The following WASF2 variants were observed in gnomAD, a reference collection of about 807,000 sequenced individuals.
The protein encoded by WASF2 is actin-binding protein WASF2.
In WASF2, 14 loss-of-function variants were observed where a neutral mutation model predicts 45.0. The ratio of observed to expected loss-of-function variants is 0.31; its 90% CI spans 0.21 to 0.49. WASF2 has a LOEUF of 0.49. Among genes scored for constraint, WASF2 ranks in the 20% least tolerant of loss-of-function variants. The pLI is 0.99. For missense variants in WASF2, 439 were observed against 636.1 expected, an observed-to-expected ratio of 0.69 and a Z score of 3.33; for synonymous variants, 200 against 236.3, an observed-to-expected ratio of 0.85 and a Z score of 1.41.
intron 1 of WASF2, among the ~76,000 whole-genome samples, chr1:27,459,784 CT>C (rs2017520266): frequency 6.6e-6 from 1 of 152,284 alleles, no homozygotes; most frequent in East Asian, 1.9e-4. Context: ...GTCCCACCCC[CT>C]ATCACCCTAG....
intron 1 of WASF2, among the ~76,000 whole-genome samples, chr1:27,481,197 A>G (rs1409132999): frequency 1.5e-4 from 21 of 137,808 alleles, no homozygotes; most frequent in African/African-American, 4.6e-4. Context: ...CCAGCTACTC[A>G]GGAGGCTGAG....
chr1:27,479,739 C>T lies in WASF2; in HGVS notation c.-44+10247G>A, dbSNP rs188518994. Among the ~76,000 whole-genome samples the T allele has an allele frequency of 2.9e-3, 434 of 152,228 alleles. 4 individuals carry two copies. The highest frequency in any genetic ancestry group is 1.0e-2 in the African/African-American group (414 of 41,542). ...AATTAGCTGGGTGTGGTGGCACATG[C>T]CTATAATCCTAGTTACTCAGGAGGC... On this transcript the variant is annotated intron_variant, in intron 1 of 8. Coordinates refer to ENST00000618852, the MANE Select transcript of WASF2 (RefSeq NM_006990.5).
At chr1:27,467,855 T>TA (rs932416582) in intron 1 of WASF2, among the ~76,000 whole-genome samples, 30 of 151,880 alleles carry the variant, frequency 2.0e-4, no homozygotes, top group African/African-American at 7.0e-4. Flanking sequence ...GAGGTTGCAG[T>TA]ACATCGAGAT....
intron 1 of WASF2, among the ~76,000 whole-genome samples, chr1:27,429,917 T>C (rs553981533): frequency 6.6e-6 from 1 of 152,336 alleles, no homozygotes; most frequent in East Asian, 1.9e-4. Flanking sequence ...AACTGTGCTG[T>C]AAGATTCCCT....
At chr1:27,452,237 G>A (rs1387005463) in intron 1 of WASF2, among the ~76,000 whole-genome samples, 2 of 152,192 alleles carry the variant, frequency 1.3e-5, no homozygotes, top group Non-Finnish European at 2.9e-5. Flanking sequence ...GACGCAGGCT[G>A]CGCGCCGTGG....
At chr1:27,461,925 G>T (rs1368188870) in intron 1 of WASF2, among the ~76,000 whole-genome samples, 1 of 151,624 alleles carries the variant, frequency 6.6e-6, no homozygotes, top group Non-Finnish European at 1.5e-5. Context: ...GCCTCCCAAA[G>T]TGTGGAGATT....
intron 6 of WASF2, 28 bp from the exon 7 acceptor site, chr1:27,412,755 G>A (rs758706369): frequency 1.2e-6 from 2 of 1,612,946 alleles, no homozygotes; most frequent in African/African-American, 1.3e-5. Context: ...GCCAAAAACT[G>A]TCATTTAAAG....
intron 1 of WASF2, among the ~76,000 whole-genome samples, chr1:27,449,181 G>A (rs571106560): frequency 6.6e-6 from 1 of 152,186 alleles, no homozygotes; most frequent in Non-Finnish European, 1.5e-5. Context: ...CCATCACACG[G>A]GATTAAAATG....
At chr1:27,439,346 G>A (rs1260948472) in intron 1 of WASF2, among the ~76,000 whole-genome samples, 1 of 152,238 alleles carries the variant, frequency 6.6e-6, no homozygotes, top group Non-Finnish European at 1.5e-5. Flanking sequence ...GGTGGTAGTA[G>A]TAGTAGCAGT....
intron 1 of WASF2, among the ~76,000 whole-genome samples, chr1:27,479,366 T>C (rs1420008147): frequency 6.6e-6 from 1 of 151,832 alleles, no homozygotes; most frequent in African/African-American, 2.4e-5. Flanking sequence ...GGTGGGAGGA[T>C]CACTTGAAGC....
At chr1:27,426,236 C>G (rs116210266) in intron 2 of WASF2, among the ~76,000 whole-genome samples, 3,537 of 152,212 alleles carry the variant, frequency 0.023, 63 homozygotes, top group Non-Finnish European at 0.034. Flanking sequence ...TTCAAACCTT[C>G]AGAAATTCAG....
chr1:27,427,430 G>A (rs146704012), intron 2 of WASF2, among the ~76,000 whole-genome samples: 205 of 152,360 alleles, frequency 1.3e-3, no homozygotes, highest in African/African-American at 4.7e-3. Flanking sequence ...CTCAGAGAGA[G>A]ACAGAGAGAG....
At chr1:27,482,282 T>G (rs1250697599) in intron 1 of WASF2, among the ~76,000 whole-genome samples, 1 of 152,214 alleles carries the variant, frequency 6.6e-6, no homozygotes, top group Non-Finnish European at 1.5e-5. Flanking sequence ...CCAGAGGAAT[T>G]AAGGACCACT....
chr1:27,478,282 A>G (rs975666093), intron 1 of WASF2, among the ~76,000 whole-genome samples: 9 of 152,006 alleles, frequency 5.9e-5, no homozygotes, highest in Middle Eastern at 3.2e-3. Flanking sequence ...AAGCAAAAAA[A>G]AAAAAAAAAA....
At chr1:27,438,709 C>A (rs963989693) in intron 1 of WASF2, among the ~76,000 whole-genome samples, 2 of 152,204 alleles carry the variant, frequency 1.3e-5, no homozygotes, top group Non-Finnish European at 2.9e-5. Context: ...TATTAATACA[C>A]CAACTTAAGT....
chr1:27,452,893 C>T (rs1199136295), intron 1 of WASF2, among the ~76,000 whole-genome samples: 1 of 151,262 alleles, frequency 6.6e-6, no homozygotes, highest in Admixed American at 6.6e-5. Context: ...TAGCAAATGT[C>T]AGTGTATCTA....
intron 1 of WASF2, among the ~76,000 whole-genome samples, chr1:27,441,867 A>C (rs1190876150): frequency 6.7e-6 from 1 of 150,250 alleles, no homozygotes; most frequent in Non-Finnish European, 1.5e-5. Flanking sequence ...CGGAGGTTGC[A>C]GTGAGCCAAG....
chr1:27,462,147 T>C (rs2017554628), intron 1 of WASF2, among the ~76,000 whole-genome samples: 1 of 151,790 alleles, frequency 6.6e-6, no homozygotes, highest in Non-Finnish European at 1.5e-5. Flanking sequence ...CCGGCGAATT[T>C]TTGTATTTTT....
intron 6 of WASF2, among the ~76,000 whole-genome samples, chr1:27,413,506 AAC>A (rs961832997): frequency 3.0e-4 from 46 of 152,246 alleles, no homozygotes; most frequent in African/African-American, 1.1e-3. Context: ...CCTCAGGGAG[AAC>A]AGAGTTGGAG....
Sources: allele counts gnomAD v4.1 joint callset (sites outside exome capture counted in the v4.1 genomes callset), GRCh38; gene constraint gnomAD v4.1.1; transcripts MANE v1.5; gene names NCBI Gene and HGNC (gene_info 2026-07-23, HGNC 2026-07-21).